The following RALGPS1 variants were observed in gnomAD, a reference collection of about 807,000 sequenced individuals.
The protein encoded by RALGPS1 is Ral GEF with PH domain and SH3 binding motif 1, also known as ras-specific guanine nucleotide-releasing factor RalGPS1.
In RALGPS1, 19 loss-of-function variants were observed where a neutral mutation model predicts 78.8. The ratio of observed to expected loss-of-function variants is 0.24; its 90% CI spans 0.17 to 0.35. The LOEUF is 0.35. Ranked by LOEUF, RALGPS1 falls within the 10% of genes least tolerant of loss-of-function variation. The pLI is 1.00. For synonymous variants in RALGPS1, 228 were observed against 256.3 expected, an observed-to-expected ratio of 0.89 and a Z score of 1.06; for missense variants, 454 against 688.3, an observed-to-expected ratio of 0.66 and a Z score of 3.81.
At chr9:127,108,354 C>G in intron 8 of RALGPS1, 1 of 1,612,068 alleles carries the variant, frequency 6.2e-7, no homozygotes, top group Non-Finnish European at 8.5e-7. Flanking sequence ...TGTTGCGGCT[C>G]TCCTTGCGCA....
intron 1 of RALGPS1, among the ~76,000 whole-genome samples, chr9:126,922,511 A>G (rs2034863051): frequency 6.6e-6 from 1 of 152,248 alleles, no homozygotes; most frequent in African/African-American, 2.4e-5. Context: ...TAATAGATTC[A>G]AGACAATTTG....
At chr9:127,188,566 T>C (rs142906570) in intron 11 of RALGPS1, among the ~76,000 whole-genome samples, 341 of 152,122 alleles carry the variant, frequency 2.2e-3, no homozygotes, top group Middle Eastern at 0.017. Flanking sequence ...ACCAGGCTGG[T>C]TTATCTAGGC....
At chr9:126,930,591 T>C (rs2035702796) in intron 1 of RALGPS1, among the ~76,000 whole-genome samples, 1 of 152,112 alleles carries the variant, frequency 6.6e-6, no homozygotes, top group South Asian at 2.1e-4. Context: ...TACAGGCCTG[T>C]GCCACCATAC....
chr9:127,134,026 T>C (rs1183793300), intron 8 of RALGPS1, among the ~76,000 whole-genome samples: 1 of 151,530 alleles, frequency 6.6e-6, no homozygotes, highest in Admixed American at 6.6e-5. Context: ...GTGAATGCTG[T>C]GATTCAGCAC....
intron 17 of RALGPS1, chr9:127,214,160 A>G (rs1245798195): frequency 6.6e-6 from 1 of 152,180 alleles, no homozygotes; most frequent in African/African-American, 2.4e-5. Flanking sequence ...GGGTCCATGG[A>G]TGGAATTCAA....
intron 4 of RALGPS1, among the ~76,000 whole-genome samples, chr9:127,003,672 G>A (rs2043561496): frequency 6.6e-6 from 1 of 151,592 alleles, no homozygotes; most frequent in South Asian, 2.1e-4. Flanking sequence ...CTGCCAAACT[G>A]TTTTCTTTCT....
intron 11 of RALGPS1, among the ~76,000 whole-genome samples, chr9:127,186,714 G>A (rs946368873): frequency 3.3e-5 from 5 of 152,258 alleles, no homozygotes; most frequent in Admixed American, 3.3e-4. Context: ...CCAGAGCAGG[G>A]AGAGCAGCAT....
intron 7 of RALGPS1, among the ~76,000 whole-genome samples, chr9:127,065,882 A>G (rs983878807): frequency 1.4e-4 from 21 of 152,260 alleles, no homozygotes; most frequent in Admixed American, 1.3e-3. Context: ...TTTCAAATAC[A>G]TCATCGGAAA....
intron 8 of RALGPS1, among the ~76,000 whole-genome samples, chr9:127,114,885 C>G (rs962458888): frequency 6.6e-6 from 1 of 152,218 alleles, no homozygotes; most frequent in African/African-American, 2.4e-5. Context: ...ATCATCAGGA[C>G]AGAAGACAGA....
At chr9:126,959,721 C>T (rs1588654791) in intron 1 of RALGPS1, among the ~76,000 whole-genome samples, 1 of 152,214 alleles carries the variant, frequency 6.6e-6, no homozygotes, top group East Asian at 1.9e-4. Context: ...GCATATTTGC[C>T]TTGTCTCTAC....
At chr9:126,989,913 G>A (rs925776478) in intron 4 of RALGPS1, 1 of 1,550,464 alleles carries the variant, frequency 6.4e-7, no homozygotes, top group Non-Finnish European at 8.7e-7. Flanking sequence ...CTGCCAGAAT[G>A]GAAGACTCCC....
intron 9 of RALGPS1, among the ~76,000 whole-genome samples, chr9:127,168,376 C>G (rs2059395178): frequency 6.6e-6 from 1 of 152,184 alleles, no homozygotes; most frequent in Non-Finnish European, 1.5e-5. Flanking sequence ...TTCCCCAGTC[C>G]CTGATATCTG....
In RALGPS1 at chr9:127,054,533, C is replaced by T. The variant is rs138823905; in HGVS notation, c.483+1594C>T. Among the ~76,000 whole-genome samples the T allele has an allele frequency of 5.6e-4, 85 of 152,212 alleles. 1 individual carries two copies. In the East Asian group the frequency reaches 0.015, roughly 27 times the overall value. On this transcript the variant is annotated intron_variant, in intron 7 of 18. Transcript: ENST00000259351. Reference sequence around the variant, plus strand: ...GATAGGGCCAGGCCCATGGATGAAGCGATGGTGTCCTCCAGGGGATGCTGT... The same window carrying T: ...GATAGGGCCAGGCCCATGGATGAAGTGATGGTGTCCTCCAGGGGATGCTGT...
intron 8 of RALGPS1, among the ~76,000 whole-genome samples, chr9:127,118,146 C>T (rs754517633): frequency 3.9e-5 from 6 of 152,176 alleles, no homozygotes; most frequent in Non-Finnish European, 8.8e-5. Flanking sequence ...CCTCCGCCTC[C>T]CGGGTTCAAG....
chr9:126,935,402 CAG>C (rs2036167198), intron 1 of RALGPS1, among the ~76,000 whole-genome samples: 1 of 152,162 alleles, frequency 6.6e-6, no homozygotes. Context: ...AGGGAAGAAA[CAG>C]AGAATGTTTG....
chr9:127,178,548 G>A lies in RALGPS1; in HGVS notation c.910+3766G>A, dbSNP rs182866946. On this transcript the variant is annotated intron_variant, in intron 11 of 18. Transcript: ENST00000259351. The stretch of plus-strand genomic sequence containing the variant: ...TGATTCTGCCTCCATCATTGCCTCA[G>A]CCTGCAGCTTTTAGCTAAATATCAC... 2.5e-5 allele frequency: 24 copies of A among 954,456 alleles called. No homozygotes were observed. In the East Asian group the frequency reaches 2.2e-3, roughly 86 times the overall value. 59.1% of individuals were successfully genotyped at this position (954,456 alleles called of 1,614,324 possible). A position where few individuals can be genotyped will look rare whatever the true frequency, so the allele number is the denominator to read the frequency against.
At chr9:127,210,636 C>G (rs2062195810) in intron 14 of RALGPS1, 3 of 1,349,232 alleles carry the variant, frequency 2.2e-6, no homozygotes, top group Middle Eastern at 1.9e-4. Flanking sequence ...CTCTTGCCTC[C>G]TTCAGGAGCA....
At chr9:127,086,426 C>T (rs1161888590) in intron 8 of RALGPS1, among the ~76,000 whole-genome samples, 3 of 152,010 alleles carry the variant, frequency 2.0e-5, no homozygotes, top group Non-Finnish European at 2.9e-5. Flanking sequence ...ACAGGCCACA[C>T]GTCATGGTTT....
chr9:127,142,443 T>C (rs1444377898), intron 8 of RALGPS1, among the ~76,000 whole-genome samples: 1 of 152,058 alleles, frequency 6.6e-6, no homozygotes, highest in Admixed American at 6.5e-5. Context: ...AAGAGGACTC[T>C]GGAGGCAGTT....
Sources: allele counts gnomAD v4.1 joint callset (sites outside exome capture counted in the v4.1 genomes callset), GRCh38; gene constraint gnomAD v4.1.1; transcripts MANE v1.5; gene names NCBI Gene and HGNC (gene_info 2026-07-23, HGNC 2026-07-21).